The following SAMSN1 variants were observed in gnomAD, a reference collection of about 807,000 sequenced individuals.
SAMSN1 encodes SAM domain-containing protein SAMSN-1.
A neutral mutation model predicts 42.0 loss-of-function variants in SAMSN1; 31 were observed. The observed-to-expected ratio is 0.74, with a 90% CI of 0.55 to 1.00. The LOEUF (loss-of-function observed/expected upper bound fraction) is 1.00. Ranked by LOEUF, SAMSN1 falls within the 50% of genes least tolerant of loss-of-function variation. SAMSN1 has a pLI of 0.00. For synonymous variants in SAMSN1, 178 were observed against 151.9 expected (o/e 1.17, Z -1.26); for missense variants, 464 against 439.4 (o/e 1.06, Z -0.50).
intron 7 of SAMSN1, among the ~76,000 whole-genome samples, chr21:14,590,199 A>G (rs1982037992): frequency 1.3e-5 from 2 of 152,100 alleles, no homozygotes; most frequent in African/African-American, 2.4e-5. Context: ...CTATCTTTAT[A>G]TATTCTACTC....
intron 1 of SAMSN1, among the ~76,000 whole-genome samples, chr21:14,645,979 A>G (rs1210814367): frequency 1.3e-5 from 2 of 152,168 alleles, no homozygotes; most frequent in African/African-American, 2.4e-5. Flanking sequence ...GACAAAAGAA[A>G]AAAGAACAAA....
At chr21:14,563,121 G>A (rs1980998005) in intron 2 of SAMSN1, among the ~76,000 whole-genome samples, 1 of 152,108 alleles carries the variant, frequency 6.6e-6, no homozygotes, top group Admixed American at 6.6e-5. Context: ...AGAGAGCAAG[G>A]AGACACTGCT....
chr21:14,606,297 G>A (rs186036243), intron 5 of SAMSN1, among the ~76,000 whole-genome samples: 1 of 152,186 alleles, frequency 6.6e-6, no homozygotes, highest in Non-Finnish European at 1.5e-5. Context: ...GTCTGTCACA[G>A]TTACACTGAT....
At chr21:14,548,057 G>A (rs969939437), upstream of SAMSN1, among the ~76,000 whole-genome samples, 3 of 152,140 alleles carry the variant, frequency 2.0e-5, no homozygotes, top group African/African-American at 7.2e-5. Flanking sequence ...GGTTAAGAAA[G>A]TTGGCTAGGC....
intron 2 of SAMSN1, among the ~76,000 whole-genome samples, chr21:14,560,620 T>A (rs1001146560): frequency 6.6e-6 from 1 of 152,224 alleles, no homozygotes; most frequent in Non-Finnish European, 1.5e-5. Flanking sequence ...GGAAGTTTAG[T>A]AATCAACAAG....
rs960998314 is a variant in SAMSN1 at position 14,485,797 on chromosome 21, A to G, written c.*115T>C. 104 of 801,878 alleles carry G rather than the reference A, an allele frequency of 1.3e-4. No homozygotes were observed. The highest frequency in any genetic ancestry group is 1.1e-3 in the Middle Eastern group (3 of 2,702). 49.7% of individuals were successfully genotyped at this position (801,878 alleles called of 1,614,324 possible). A position where few individuals can be genotyped will look rare whatever the true frequency, so the allele number is the denominator to read the frequency against. ...TACAATTATTCAGATTAAAACATTT[A>G]AACTTTAGGTTTTATTTACAAATAT... is the stretch of plus-strand genomic sequence containing the variant. On this transcript the variant is annotated 3_prime_UTR_variant, in exon 8 of 8. Transcript: ENST00000400566.
intron 1 of SAMSN1, among the ~76,000 whole-genome samples, chr21:14,530,042 C>T (rs1005797921): frequency 5.3e-5 from 8 of 152,064 alleles, no homozygotes; most frequent in South Asian, 2.1e-4. Context: ...TCTGGCCGGG[C>T]GCAGTGGCTC....
chr21:14,542,063 G>T (rs542611891), intron 1 of SAMSN1, among the ~76,000 whole-genome samples: 1 of 152,114 alleles, frequency 6.6e-6, no homozygotes, highest in Non-Finnish European at 1.5e-5. Flanking sequence ...ACAATTGTAG[G>T]TGTTGACATG....
At chr21:14,650,428 AGTGACCAGTG>A (rs1413079068) in intron 1 of SAMSN1, among the ~76,000 whole-genome samples, 2 of 152,186 alleles carry the variant, frequency 1.3e-5, no homozygotes. Flanking sequence ...TATGCTCCTG[AGTGACCAGTG>A]GTCAATGAAG....
At chr21:14,498,742 A>G (rs1439041436) in intron 6 of SAMSN1, 150 bp from the exon 7 acceptor site, 7 of 566,662 alleles carry the variant, frequency 1.2e-5, no homozygotes, top group Non-Finnish European at 2.1e-5. Flanking sequence ...CGTTTCTGAC[A>G]TATGAACTCC....
intron 2 of SAMSN1, among the ~76,000 whole-genome samples, chr21:14,558,861 C>G (rs1052937764): frequency 2.0e-5 from 3 of 152,184 alleles, no homozygotes; most frequent in African/African-American, 7.2e-5. Context: ...ATTCTAACAG[C>G]TTTCCTGTGA....
intron 2 of SAMSN1, among the ~76,000 whole-genome samples, chr21:14,638,446 G>T (rs1190280552): frequency 6.6e-6 from 1 of 152,106 alleles, no homozygotes; most frequent in East Asian, 1.9e-4. Flanking sequence ...TAGGGCAGGG[G>T]TTAGCAAACT....
At chr21:14,518,067 G>T in intron 2 of SAMSN1, among the ~76,000 whole-genome samples, 1 of 152,214 alleles carries the variant, frequency 6.6e-6, no homozygotes, top group East Asian at 1.9e-4. Flanking sequence ...CCCCCTTGCA[G>T]TTTCTCTATC....
Position 14,554,908 on chromosome 21 carries a change from G to T in SAMSN1, c.261+27228C>A, listed in dbSNP as rs142575001. Among the ~76,000 whole-genome samples, 262 of 151,958 alleles carry T rather than the reference G, an allele frequency of 1.7e-3. 1 individual carries two copies. Among genetic ancestry groups the T allele is most frequent in the African/African-American group, 4.8e-3 (201 of 41,446 alleles). On this transcript the variant is annotated intron_variant, in intron 2 of 8. Coordinates refer to the SAMSN1 transcript ENST00000285670. ...AGATGGGTTCTCACTGTCTTCCCAG[G>T]CTGGTCTTGAACTCCTGGACTCAAG...
At chr21:14,511,811 T>A (rs1347707497) in intron 4 of SAMSN1, among the ~76,000 whole-genome samples, 1 of 152,202 alleles carries the variant, frequency 6.6e-6, no homozygotes, top group Non-Finnish European at 1.5e-5. Context: ...CATTAGAAAA[T>A]CCTTGTTGGT....
At chr21:14,492,263 C>A (rs988199788) in intron 7 of SAMSN1, among the ~76,000 whole-genome samples, 8 of 152,304 alleles carry the variant, frequency 5.3e-5, no homozygotes, top group African/African-American at 1.9e-4. Flanking sequence ...TACACTCTTG[C>A]ACACATGCAT....
chr21:14,586,147 C>A (rs1981908201), upstream of SAMSN1, among the ~76,000 whole-genome samples: 1 of 150,314 alleles, frequency 6.7e-6, no homozygotes, highest in Non-Finnish European at 1.5e-5. Flanking sequence ...CCTGTGATCC[C>A]AGCTACTTGG....
At chr21:14,545,421 G>T (rs182914758) in intron 1 of SAMSN1, among the ~76,000 whole-genome samples, 126 of 152,150 alleles carry the variant, frequency 8.3e-4, no homozygotes, top group African/African-American at 2.9e-3. Context: ...CCTGAGAAAA[G>T]AAATGTACAA....
At chr21:14,566,907 T>C (rs1981139418) in intron 2 of SAMSN1, among the ~76,000 whole-genome samples, 1 of 152,084 alleles carries the variant, frequency 6.6e-6, no homozygotes, top group Admixed American at 6.6e-5. Flanking sequence ...GCACACCACC[T>C]AGAGACCTAT....
Sources: allele counts gnomAD v4.1 joint callset (sites outside exome capture counted in the v4.1 genomes callset), GRCh38; gene constraint gnomAD v4.1.1; transcripts MANE v1.5; gene names NCBI Gene and HGNC (gene_info 2026-07-23, HGNC 2026-07-21).